DNAH9: variants seen among roughly 807,000 people sequenced by gnomAD.
The protein encoded by DNAH9 is DNAH9 variant protein.
DNAH9 carries 345 observed loss-of-function variants against 471.6 expected under a neutral mutation model. That is an observed-to-expected ratio of 0.73 (90% CI 0.67 to 0.80). DNAH9 has a LOEUF of 0.80. Among genes scored for constraint, DNAH9 ranks in the 30% least tolerant of loss-of-function variants. The probability of loss-of-function intolerance (pLI) is 0.00; values close to 1 mark genes in which losing one functional copy is unlikely to be tolerated. For synonymous variants in DNAH9, 2,093 were observed against 2,123.6 expected, an observed-to-expected ratio of 0.99 and a Z score of 0.40; for missense variants, 5,407 against 5,609.2, an observed-to-expected ratio of 0.96 and a Z score of 1.15.
At chr17:11,776,129 C>T (rs925872395) in intron 38 of DNAH9, among the ~76,000 whole-genome samples, 1 of 152,138 alleles carries the variant, frequency 6.6e-6, no homozygotes, top group Non-Finnish European at 1.5e-5. Context: ...TTAATCCTCC[C>T]CAGCCTATGA....
Position 11,622,754 on chromosome 17 carries a change from C to T in DNAH9, c.1350+2973C>T, listed in dbSNP as rs548199809. Among the ~76,000 whole-genome samples, 3 of 152,292 alleles carry T rather than the reference C, an allele frequency of 2.0e-5. No homozygotes were observed. In the South Asian group the frequency reaches 6.2e-4, roughly 32 times the overall value. ...CCAGCCTCCCTAGCGTCATTACTCT[C>T]ACAATAAGTCCTTTCTCAGGCTGCT... On this transcript the variant is annotated intron_variant, in intron 6 of 68. Transcript: ENST00000262442.
intron 56 of DNAH9, chr17:11,884,477 C>T: frequency 2.3e-6 from 1 of 444,438 alleles, no homozygotes; most frequent in Non-Finnish European, 4.5e-6. Flanking sequence ...CAGGACAGAG[C>T]ATATCTGTAA....
At chr17:11,675,231 A>G (rs1325196549) in intron 17 of DNAH9, among the ~76,000 whole-genome samples, 1 of 152,118 alleles carries the variant, frequency 6.6e-6, no homozygotes, top group Non-Finnish European at 1.5e-5. Flanking sequence ...AGTATAAATA[A>G]TATTTTAAAA....
intron 67 of DNAH9, among the ~76,000 whole-genome samples, chr17:11,948,370 AG>A (rs1220655955): frequency 6.6e-6 from 1 of 151,680 alleles, no homozygotes; most frequent in Admixed American, 6.6e-5. Context: ...CTGGAATTAC[AG>A]GTGCCTGCCA....
intron 22 of DNAH9, among the ~76,000 whole-genome samples, chr17:11,696,865 T>A (rs957361602): frequency 5.3e-5 from 8 of 152,192 alleles, no homozygotes; most frequent in East Asian, 3.8e-4. Flanking sequence ...TCATTCTTTT[T>A]AAAAATTAAT....
chr17:11,893,329 C>G (rs1973118965), intron 58 of DNAH9, among the ~76,000 whole-genome samples: 1 of 152,152 alleles, frequency 6.6e-6, no homozygotes, highest in Admixed American at 6.5e-5. Flanking sequence ...AACGTCGTCC[C>G]TTCTGTGAAA....
intron 15 of DNAH9, among the ~76,000 whole-genome samples, chr17:11,665,461 C>T (rs879917886): frequency 3.9e-5 from 6 of 152,088 alleles, no homozygotes; most frequent in Non-Finnish European, 8.8e-5. Context: ...AAGAGTCACA[C>T]AAGAAGTAGG....
At chr17:11,886,049 G>A (rs748810905) in intron 56 of DNAH9, among the ~76,000 whole-genome samples, 14 of 152,314 alleles carry the variant, frequency 9.2e-5, no homozygotes, top group South Asian at 6.2e-4. Context: ...CTGGCTGGGC[G>A]CGGTGGCTCA....
chr17:11,664,144 T>C (rs1188259711), intron 14 of DNAH9, among the ~76,000 whole-genome samples: 1 of 152,172 alleles, frequency 6.6e-6, no homozygotes, highest in Non-Finnish European at 1.5e-5. Context: ...ATGGGATGTC[T>C]GTACTTGGCA....
In DNAH9 at chr17:11,654,138, G is replaced by A. The variant is rs569266366; in HGVS notation, c.2595+1136G>A. 1.2e-4 allele frequency among the ~76,000 whole-genome samples: 8 copies of A among 67,316 alleles called. 1 individual carries two copies. In the South Asian group the frequency reaches 1.8e-3, roughly 16 times the overall value. The allele number at this position is 67,316 out of a possible 152,430, so 44.2% of individuals were successfully genotyped here. A position where few individuals can be genotyped will look rare whatever the true frequency, so the allele number is the denominator to read the frequency against. On this transcript the variant is annotated intron_variant, in intron 14 of 68. Transcript: ENST00000262442. ...TGGGAGGCCGAGGCGGGCGGATCAC[G>A]AGGTCAGGAGATCGAGACCATCCTG...
chr17:11,671,691 G>A (rs2073974980), intron 17 of DNAH9, among the ~76,000 whole-genome samples: 1 of 152,202 alleles, frequency 6.6e-6, no homozygotes, highest in South Asian at 2.1e-4. Context: ...TCAAGGAATT[G>A]CTCAGCCCTG....
intron 48 of DNAH9, among the ~76,000 whole-genome samples, chr17:11,830,266 G>T (rs779787501): frequency 1.3e-4 from 20 of 152,216 alleles, no homozygotes; most frequent in Non-Finnish European, 2.8e-4. Context: ...CGTTGGCACT[G>T]CTCACATGCC....
At chr17:11,677,672 G>A (rs1398745895) in intron 17 of DNAH9, among the ~76,000 whole-genome samples, 1 of 151,956 alleles carries the variant, frequency 6.6e-6, no homozygotes, top group Non-Finnish European at 1.5e-5. Flanking sequence ...ATTTTATTAT[G>A]TTCTTTTAGT....
At chr17:11,842,300 C>T (rs1971062555) in intron 49 of DNAH9, among the ~76,000 whole-genome samples, 2 of 152,076 alleles carry the variant, frequency 1.3e-5, no homozygotes, top group African/African-American at 4.8e-5. Flanking sequence ...ATGCCACCAA[C>T]TGGTAAAGTT....
chr17:11,684,600 C>G (rs985330384), intron 19 of DNAH9, among the ~76,000 whole-genome samples: 14 of 152,160 alleles, frequency 9.2e-5, no homozygotes, highest in Non-Finnish European at 1.6e-4. Context: ...ATATAGTCTT[C>G]TTGCCCACAC....
At chr17:11,958,657 C>T (rs1190561919) in intron 67 of DNAH9, among the ~76,000 whole-genome samples, 2 of 151,560 alleles carry the variant, frequency 1.3e-5, no homozygotes, top group African/African-American at 4.9e-5. Context: ...GGAGGTTGTG[C>T]ATGTGTCGAG....
At position 11,784,388 on chromosome 17, in the gene DNAH9, T is replaced by G. The variant is rs1160511781; in HGVS notation, c.7910T>G (p.Leu2637Arg). The change falls in exon 41 of 69, where the codon CTC (leucine) becomes CGC (arginine). Residue 2637 changes from leucine (L) to arginine (R), a missense_variant. Leu to Arg is a moderately radical substitution (Grantham distance 102, BLOSUM62 -2). Transcript: ENST00000262442. ...YSIILTQHLK[L>R]GNFPASLQKS... Reference sequence around the variant, plus strand: ...ATCATCCTCACTCAGCATCTGAAGCTCGGAAACTTCCCGGCGTCCCTGCAG... The same window carrying G: ...ATCATCCTCACTCAGCATCTGAAGCGCGGAAACTTCCCGGCGTCCCTGCAG... The G allele has an allele frequency of 1.2e-6, 2 of 1,614,154 alleles. No homozygotes were observed. The highest frequency in any genetic ancestry group is 8.5e-7 in the Non-Finnish European group (1 of 1,180,034).
At chr17:11,896,284 C>G (rs1433392281) in intron 59 of DNAH9, among the ~76,000 whole-genome samples, 3 of 151,904 alleles carry the variant, frequency 2.0e-5, no homozygotes, top group Non-Finnish European at 4.4e-5. Flanking sequence ...TGGAGGGACA[C>G]AGTTCACTCC....
chr17:11,676,514 C>T (rs2074053363), intron 17 of DNAH9, among the ~76,000 whole-genome samples: 2 of 151,628 alleles, frequency 1.3e-5, no homozygotes, highest in Admixed American at 6.6e-5. Context: ...AACTCCTGAC[C>T]CCAGGTGATC....
Sources: gnomAD v4.1 joint callset for allele counts (sites outside exome capture counted in the v4.1 genomes callset) on GRCh38, gnomAD v4.1.1 for gene constraint, MANE v1.5 for transcripts, NCBI Gene and HGNC (gene_info 2026-07-23, HGNC 2026-07-21) for gene names.